ADAMTSL1: variants seen among roughly 807,000 people sequenced by gnomAD.
ADAMTSL1 encodes the protein ADAMTS-like protein 1.
A neutral mutation model predicts 201.8 loss-of-function variants in ADAMTSL1; 126 were observed. The observed-to-expected ratio is 0.62, with a 90% confidence interval of 0.54 to 0.72. The LOEUF (loss-of-function observed/expected upper bound fraction) is 0.72, where lower values mean the gene tolerates loss of function less well. Ranked by LOEUF, ADAMTSL1 falls within the 30% of genes least tolerant of loss-of-function variation. ADAMTSL1 has a pLI of 0.00. For synonymous variants in ADAMTSL1, 1,121 were observed against 903.4 expected (o/e 1.24, Z -4.32); for missense variants, 2,679 against 2,277.8 (o/e 1.18, Z -3.59).
At chr9:18,511,898 TC>T (rs779386499) in intron 2 of ADAMTSL1, among the ~76,000 whole-genome samples, 19 of 152,196 alleles carry the variant, frequency 1.2e-4, no homozygotes, top group Non-Finnish European at 2.6e-4. Flanking sequence ...CAATTAAGAT[TC>T]ACAGGACTTG....
intron 2 of ADAMTSL1, among the ~76,000 whole-genome samples, chr9:18,279,123 T>C (rs918037276): frequency 1.2e-4 from 19 of 152,172 alleles, no homozygotes; most frequent in Non-Finnish European, 2.4e-4. Flanking sequence ...CTCACTGAGC[T>C]TCCTTAGGAT....
intron 10 of ADAMTSL1, among the ~76,000 whole-genome samples, chr9:18,676,760 G>C (rs1274758257): frequency 6.6e-6 from 1 of 152,012 alleles, no homozygotes; most frequent in Non-Finnish European, 1.5e-5. Flanking sequence ...GATCATAAAT[G>C]GTTGGAGTAA....
intron 2 of ADAMTSL1, among the ~76,000 whole-genome samples, chr9:18,403,163 T>C (rs1424200244): frequency 6.6e-6 from 1 of 152,070 alleles, no homozygotes; most frequent in African/African-American, 2.4e-5. Context: ...AATCTTTTTT[T>C]TTTTATTTTT....
chr9:18,897,929 G>T (rs1195103762), intron 26 of ADAMTSL1, among the ~76,000 whole-genome samples: 1 of 151,794 alleles, frequency 6.6e-6, no homozygotes, highest in African/African-American at 2.4e-5. Context: ...TGTAATTCCA[G>T]CATTTTGGGA....
intron 4 of ADAMTSL1, among the ~76,000 whole-genome samples, chr9:18,597,393 C>A (rs1055282670): frequency 3.9e-5 from 6 of 152,158 alleles, no homozygotes; most frequent in Admixed American, 6.6e-5. Context: ...AGTCATATTT[C>A]TAATTATTTC....
In ADAMTSL1 at chr9:18,516,087, C is replaced by CAAA. The variant is rs11418722; in HGVS notation, c.191+11143_191+11145dup. Among the ~76,000 whole-genome samples, 124 of 131,110 alleles carry CAAA rather than the reference C, an allele frequency of 9.5e-4. 1 individual carries two copies. Among genetic ancestry groups the CAAA allele is most frequent in the African/African-American group, 2.6e-3 (94 of 35,696 alleles). 86.0% of individuals were successfully genotyped at this position (131,110 alleles called of 152,430 possible). A position where few individuals can be genotyped will look rare whatever the true frequency, so the allele number is the denominator to read the frequency against. ...CCAGCTCCTCCCTCACCTCAACTACCAAAAAAAAAAAAAAGAAAGAAAAAG... is the reference window on the plus strand; with the variant it reads ...CCAGCTCCTCCCTCACCTCAACTACCAAAAAAAAAAAAAAAAAGAAAGAAAAAG... On this transcript the variant is annotated intron_variant, in intron 2 of 28. Transcript: ENST00000380548.
chr9:18,008,640 C>A (rs1282486393), intron 1 of ADAMTSL1, among the ~76,000 whole-genome samples: 1 of 151,896 alleles, frequency 6.6e-6, no homozygotes, highest in Non-Finnish European at 1.5e-5. Context: ...CATCTCCACC[C>A]TGAACAGTGC....
intron 2 of ADAMTSL1, among the ~76,000 whole-genome samples, chr9:18,208,048 T>G (rs1234857805): frequency 6.6e-6 from 1 of 152,150 alleles, no homozygotes; most frequent in East Asian, 1.9e-4. Flanking sequence ...GATGAACCAC[T>G]CAGAGTCTCA....
intron 4 of ADAMTSL1, among the ~76,000 whole-genome samples, chr9:18,603,970 G>A (rs556666793): frequency 9.9e-5 from 15 of 152,278 alleles, no homozygotes; most frequent in East Asian, 5.8e-4. Flanking sequence ...GTGCTCAGTC[G>A]CAGATGGAAC....
chr9:18,688,890 C>T (rs376406452), intron 13 of ADAMTSL1, among the ~76,000 whole-genome samples: 97 of 150,264 alleles, frequency 6.5e-4, no homozygotes, highest in Middle Eastern at 6.8e-3. Context: ...ATAGCAGTGC[C>T]GTGCTAGTAC....
chr9:18,041,664 T>C (rs1016348045), intron 1 of ADAMTSL1, among the ~76,000 whole-genome samples: 1 of 152,190 alleles, frequency 6.6e-6, no homozygotes, highest in Non-Finnish European at 1.5e-5. Context: ...GTGGTGTGTG[T>C]ATATTTAATA....
intron 7 of ADAMTSL1, among the ~76,000 whole-genome samples, chr9:18,657,428 T>C (rs1828761360): frequency 6.6e-6 from 1 of 152,190 alleles, no homozygotes; most frequent in South Asian, 2.1e-4. Flanking sequence ...GCAACAGAAC[T>C]CAGAAGATAA....
At chr9:18,577,108 A>G (rs895406464) in intron 4 of ADAMTSL1, among the ~76,000 whole-genome samples, 2 of 152,202 alleles carry the variant, frequency 1.3e-5, no homozygotes, top group African/African-American at 2.4e-5. Flanking sequence ...TATTAATTCT[A>G]TGTATTGAAA....
rs141025778 is a variant in ADAMTSL1, at chr9:18,725,472, A to C, written c.2006+3807A>C. 8.6e-3 allele frequency among the ~76,000 whole-genome samples: 1,307 copies of C among 152,306 alleles called. 11 individuals are homozygous for C. The highest frequency in any genetic ancestry group is 0.03 in the African/African-American group (1,240 of 41,556). On this transcript the variant is annotated intron_variant, in intron 15 of 28. Coordinates refer to ENST00000380548, the MANE Select transcript of ADAMTSL1 (RefSeq NM_001040272.6). ...GCTGCCAGTGAGAATTTTCCATCAA[A>C]GTTAATGAGTAATTTGTGTGTCTAA...
chr9:18,203,541 G>T (rs544330187), intron 2 of ADAMTSL1, among the ~76,000 whole-genome samples: 1 of 151,454 alleles, frequency 6.6e-6, no homozygotes, highest in Admixed American at 6.6e-5. Context: ...TGAGCACTGT[G>T]TGTCCTGAAA....
At position 18,356,527 on chromosome 9, in the gene ADAMTSL1, TAA is replaced by T. The variant is rs1246388028; in HGVS notation, c.208-148279_208-148278del. Among the ~76,000 whole-genome samples, 283 of 79,458 alleles carry T rather than the reference TAA, an allele frequency of 3.6e-3. 2 individuals are homozygous for T. The highest frequency in any genetic ancestry group is 0.014 in the South Asian group (27 of 1,906). The allele number at this position is 79,458 out of a possible 152,430, so 52.1% of individuals were successfully genotyped here. A position where few individuals can be genotyped will look rare whatever the true frequency, so the allele number is the denominator to read the frequency against. ...GGGGGACACAGTGAGACCCTGTCTT[TAA>T]AAAAAAAAAAAAAAAAAAAAAAGGC... is the stretch of plus-strand genomic sequence containing the variant. On this transcript the variant is annotated intron_variant, in intron 2 of 29. Coordinates refer to the ADAMTSL1 transcript ENST00000680146.
At chr9:18,340,737 T>G (rs1389004568) in intron 2 of ADAMTSL1, among the ~76,000 whole-genome samples, 1 of 152,108 alleles carries the variant, frequency 6.6e-6, no homozygotes, top group African/African-American at 2.4e-5. Context: ...CTGCACATGC[T>G]CTCTCTTGCC....
intron 20 of ADAMTSL1, among the ~76,000 whole-genome samples, chr9:18,806,637 T>A (rs1001729760): frequency 6.6e-6 from 1 of 152,190 alleles, no homozygotes; most frequent in Non-Finnish European, 1.5e-5. Context: ...TTCAAACACA[T>A]ATGTTCAGAT....
chr9:18,620,773 A>G (rs1468289283), intron 4 of ADAMTSL1, among the ~76,000 whole-genome samples: 1 of 152,190 alleles, frequency 6.6e-6, no homozygotes, highest in Non-Finnish European at 1.5e-5. Flanking sequence ...TTTAGAACTC[A>G]GCACCATGTT....
Sources: gnomAD v4.1 joint callset for allele counts (sites outside exome capture counted in the v4.1 genomes callset) on GRCh38, gnomAD v4.1.1 for gene constraint, MANE v1.5 for transcripts, NCBI Gene and HGNC (gene_info 2026-07-23, HGNC 2026-07-21) for gene names.